The following DNAH9 variants were observed in gnomAD, a reference collection of about 807,000 sequenced individuals.
The protein encoded by DNAH9 is DNAH9 variant protein.
A neutral mutation model predicts 471.6 loss-of-function variants in DNAH9; 345 were observed. The observed-to-expected ratio is 0.73, with a 90% CI of 0.67 to 0.80. The LOEUF (loss-of-function observed/expected upper bound fraction) is 0.80. DNAH9 is among the 30% of genes least tolerant of loss of function. DNAH9 has a pLI of 0.00. For synonymous variants in DNAH9, 2,093 were observed against 2,123.6 expected (o/e 0.99, Z 0.40); for missense variants, 5,407 against 5,609.2 (o/e 0.96, Z 1.15).
At chr17:11,682,985 T>C (rs1484205783) in intron 19 of DNAH9, among the ~76,000 whole-genome samples, 1 of 152,216 alleles carries the variant, frequency 6.6e-6, no homozygotes, top group Non-Finnish European at 1.5e-5. Flanking sequence ...AGGCTTATTC[T>C]TCTGACTCTT....
intron 41 of DNAH9, among the ~76,000 whole-genome samples, chr17:11,792,477 T>TATTG (rs1969100180): frequency 6.6e-6 from 1 of 152,198 alleles, no homozygotes. Context: ...TTGTTGAGGT[T>TATTG]ATTGAGGGGC....
At chr17:11,685,246 A>AG (rs1405771305) in intron 19 of DNAH9, among the ~76,000 whole-genome samples, 1 of 152,158 alleles carries the variant, frequency 6.6e-6, no homozygotes, top group Non-Finnish European at 1.5e-5. Flanking sequence ...GAGCTGTTTC[A>AG]GGGGGAAAAA....
chr17:11,934,945 A>C (rs1256484208), intron 65 of DNAH9, among the ~76,000 whole-genome samples: 1 of 152,104 alleles, frequency 6.6e-6, no homozygotes, highest in African/African-American at 2.4e-5. Flanking sequence ...TGCCACAGTC[A>C]GCATTCTCAT....
chr17:11,949,278 A>T (rs977740352), intron 67 of DNAH9, among the ~76,000 whole-genome samples: 1 of 152,154 alleles, frequency 6.6e-6, no homozygotes, highest in Non-Finnish European at 1.5e-5. Flanking sequence ...GCAATGCCAA[A>T]ACCGAGGAAG....
At chr17:11,748,148 C>CAAAAA (rs71142241) in intron 32 of DNAH9, among the ~76,000 whole-genome samples, 6 of 64,668 alleles carry the variant, frequency 9.3e-5, no homozygotes, top group African/African-American at 1.9e-4. Context: ...ACTAAAAATA[C>CAAAAA]AAAAAAAAAA....
intron 43 of DNAH9, among the ~76,000 whole-genome samples, chr17:11,805,711 T>C (rs11870924): frequency 0.99 from 151,172 of 151,982 alleles, 75,187 homozygotes; most frequent in South Asian, 1. Flanking sequence ...CTCACCACCA[T>C]GCCTGCTAAT....
rs540845533 is a variant in DNAH9, at chr17:11,647,108, A to G, written c.2007A>G (p.Thr669=). Residue 669 remains threonine, a synonymous_variant, in exon 12 of 69, where the codon ACA becomes ACG. Transcript: ENST00000262442. ...ETRLYEDWCR[T]VSEKSQYNLS... is the part of the protein sequence containing the mutation. The stretch of plus-strand genomic sequence containing the variant: ...GACTTTATGAGGATTGGTGCCGGAC[A>G]GTATCAGAGAAGTCACAGTACAATC... The G allele has an allele frequency of 6.2e-7, 1 of 1,614,040 alleles. No homozygotes were observed. Among genetic ancestry groups the G allele is most frequent in the East Asian group, 2.2e-5 (1 of 44,876 alleles).
At chr17:11,765,781 T>G (rs1045641782) in intron 36 of DNAH9, among the ~76,000 whole-genome samples, 1 of 152,194 alleles carries the variant, frequency 6.6e-6, no homozygotes, top group Non-Finnish European at 1.5e-5. Context: ...GCAGGATGGA[T>G]GAGACCTGGC....
Position 11,871,613 on chromosome 17 carries a change from T to C in DNAH9, c.10069T>C (p.Ser3357Pro). Residue 3357 changes from serine to proline, a missense_variant, in exon 52 of 69, where the codon TCT (serine) becomes CCT (proline). Ser to Pro is a moderately conservative substitution (Grantham distance 74). Around this residue, in one of 3 missense-constraint regions of DNAH9, gnomAD observed 4,636 missense variants for 4,900.3 expected, o/e 0.95. Transcript: ENST00000262442. ...LANRLVGGLA[S>P]ENVRWADAVQ... The stretch of plus-strand genomic sequence containing the variant: ...GAAATGGTAGGTTGGAGGACTCGCT[T>C]CTGAAAACGTGAGGTGGGCAGATGC... 6.2e-7 allele frequency: 1 copy of C among 1,613,902 alleles called. No individual in the cohort carries two copies. Among genetic ancestry groups the C allele is most frequent in the Non-Finnish European group, 8.5e-7 (1 of 1,179,734 alleles).
At chr17:11,902,642 G>GT in intron 59 of DNAH9, 77 bp from the exon 60 acceptor site, 1 of 1,290,418 alleles carries the variant, frequency 7.7e-7, no homozygotes, top group South Asian at 1.4e-5. Flanking sequence ...AGACCATCTG[G>GT]CCCCTCAATC....
intron 65 of DNAH9, among the ~76,000 whole-genome samples, chr17:11,936,505 A>G (rs1251284205): frequency 3.9e-5 from 6 of 152,124 alleles, no homozygotes; most frequent in African/African-American, 1.2e-4. Flanking sequence ...GCATGGTGGC[A>G]TGTACCTGTA....
intron 9 of DNAH9, among the ~76,000 whole-genome samples, chr17:11,638,147 A>G (rs555616170): frequency 6.6e-6 from 1 of 150,562 alleles, no homozygotes; most frequent in East Asian, 1.9e-4. Flanking sequence ...AAGGCTTTTA[A>G]GTAGCTGAGT....
chr17:11,603,941 T>C (rs555800815), intron 1 of DNAH9, among the ~76,000 whole-genome samples: 67 of 152,212 alleles, frequency 4.4e-4, no homozygotes, highest in Middle Eastern at 3.4e-3. Flanking sequence ...AACGCTTTCT[T>C]CTTTGGGCTC....
intron 49 of DNAH9, among the ~76,000 whole-genome samples, 177 bp downstream of exon 49, chr17:11,835,075 A>G (rs941297039): frequency 2.0e-5 from 3 of 152,250 alleles, no homozygotes; most frequent in African/African-American, 7.2e-5. Flanking sequence ...TTTCGGTTCC[A>G]TGAGCTACCA....
At position 11,752,842 on chromosome 17, in the gene DNAH9, C is replaced by G; in HGVS notation, c.6620C>G (p.Ser2207Cys). 6.3e-7 allele frequency: 1 copy of G among 1,591,606 alleles called. No individual in the cohort carries two copies. Among genetic ancestry groups the G allele is most frequent in the Admixed American group, 1.8e-5 (1 of 54,604 alleles). ...ATGEWKDGLFSSIMRELANIT... is the reference protein window; with the variant it reads ...ATGEWKDGLFCSIMRELANIT... Reference sequence around the variant, plus strand: ...CAGTGGTTCCTTTTAGGATTGTTCTCTTCCATCATGCGGGAGCTTGCCAAC... The same window carrying G: ...CAGTGGTTCCTTTTAGGATTGTTCTGTTCCATCATGCGGGAGCTTGCCAAC... The change falls in exon 33 of 69, where the codon TCT becomes TGT. Residue 2207 changes from serine to cysteine, a missense_variant. Ser to Cys is a moderately radical substitution (Grantham distance 112). Transcript: ENST00000262442.
At chr17:11,642,757 C>T (rs1016341820) in intron 10 of DNAH9, among the ~76,000 whole-genome samples, 4 of 152,132 alleles carry the variant, frequency 2.6e-5, no homozygotes, top group Non-Finnish European at 2.9e-5. Context: ...AACTGAGACC[C>T]GGGGTTGGGG....
At chr17:11,689,442 G>A (rs1435916872) in intron 19 of DNAH9, 124 bp from the exon 20 acceptor site, 1 of 797,534 alleles carries the variant, frequency 1.3e-6, no homozygotes, top group East Asian at 2.5e-5. Flanking sequence ...TGTTTTTGGT[G>A]AAAGCCACTG....
chr17:11,884,715 A>T (rs1972827908), intron 56 of DNAH9: 1 of 372,418 alleles, frequency 2.7e-6, no homozygotes, highest in South Asian at 2.0e-5. Flanking sequence ...TTGGGTCAAC[A>T]GCAGGGATGT....
chr17:11,881,398 C>A lies in DNAH9; in HGVS notation c.10791C>A (p.Asp3597Glu), dbSNP rs752921237. 18 of 1,613,028 alleles carry A rather than the reference C, an allele frequency of 1.1e-5. No individual in the cohort carries two copies. The highest frequency in any genetic ancestry group is 1.4e-5 in the Non-Finnish European group (16 of 1,179,718). The change falls in exon 55 of 69, where the codon GAC becomes GAA. Residue 3597 changes from aspartate (D) to glutamate (E), a missense_variant. Asp to Glu is a conservative substitution (Grantham distance 45, BLOSUM62 2). Coordinates refer to ENST00000262442, the MANE Select transcript of DNAH9 (RefSeq NM_001372.4). Reference protein sequence around the residue: ...LAAVVSMERPDLEQLKSDLTK... With the variant: ...LAAVVSMERPELEQLKSDLTK... ...CTGTGGTCAGCATGGAGAGGCCAGA[C>A]TTGGAGCAGCTGAAGGTGAGGACAG...
Sources: gnomAD v4.1 joint callset for allele counts (sites outside exome capture counted in the v4.1 genomes callset) on GRCh38, gnomAD v4.1.1 for gene constraint, gnomAD v4.1.1 regional missense constraint, MANE v1.5 for transcripts, NCBI Gene and HGNC (gene_info 2026-07-23, HGNC 2026-07-21) for gene names.